Variants in AOX1 observed in about 807,000 individuals in gnomAD.
AOX1 encodes the protein aldehyde oxidase.
A neutral mutation model predicts 169.5 loss-of-function variants in AOX1; 153 were observed. That is an observed-to-expected ratio of 0.90 (90% CI 0.79 to 1.03). AOX1 has a LOEUF of 1.03. Ranked by LOEUF, AOX1 falls within the 50% of genes least tolerant of loss-of-function variation. AOX1 has a pLI of 0.00. For synonymous variants in AOX1, 562 were observed against 581.9 expected (o/e 0.97, Z 0.49); for missense variants, 1,656 against 1,663.9 (o/e 1.00, Z 0.08).
intron 18 of AOX1, 99 bp from the exon 19 acceptor site, chr2:200,623,762 C>G: frequency 1.3e-6 from 2 of 1,558,968 alleles, no homozygotes; most frequent in South Asian, 2.3e-5. Context: ...CTAGCCCTAG[C>G]CCTACTGTAA....
Position 200,634,824 on chromosome 2 carries a change from A to C in AOX1, c.2255A>C (p.Tyr752Ser). The C allele has an allele frequency of 6.2e-7, 1 of 1,614,058 alleles. No individual in the cohort carries two copies. The highest frequency in any genetic ancestry group is 8.5e-7 in the Non-Finnish European group (1 of 1,179,964). The change falls in exon 21 of 35, where the codon TAT (tyrosine) becomes TCT (serine). Residue 752 changes from tyrosine to serine, a missense_variant. Tyr to Ser is a moderately radical substitution (Grantham distance 144). Transcript: ENST00000374700. ...CATATGGGAGGTCAAGAACATTTTTATATGGAAACCCAAAGCATGCTTGTC... is the reference window on the plus strand; with the variant it reads ...CATATGGGAGGTCAAGAACATTTTTCTATGGAAACCCAAAGCATGCTTGTC... ...EIHMGGQEHF[Y>S]METQSMLVVP...
In AOX1 at chr2:200,648,218, C is replaced by T. The variant is rs544677884; in HGVS notation, c.2848-2756C>T. On this transcript the variant is annotated intron_variant, in intron 25 of 34. Coordinates refer to ENST00000374700, the MANE Select transcript of AOX1 (RefSeq NM_001159.4). ...TCTGGTTCCGTCTCATTTGGGTAGG[C>T]TCTGTCAGAAGGAAAGTTTGGGGCT... Among the ~76,000 whole-genome samples the T allele has an allele frequency of 8.7e-4, 132 of 152,240 alleles. 2 individuals are homozygous for T. Among genetic ancestry groups the T allele is most frequent in the African/African-American group, 3.1e-3 (129 of 41,548 alleles).
intron 10 of AOX1, among the ~76,000 whole-genome samples, chr2:200,607,956 G>T (rs968865778): frequency 6.6e-6 from 1 of 152,098 alleles, no homozygotes; most frequent in Admixed American, 6.6e-5. Context: ...AACACATACC[G>T]GGGCCTGTTG....
intron 23 of AOX1, among the ~76,000 whole-genome samples, chr2:200,638,917 CATT>C (rs2105744649): frequency 6.7e-6 from 1 of 150,152 alleles, no homozygotes; most frequent in East Asian, 2.0e-4. Context: ...TCAATATAAT[CATT>C]GAGGGGGGAA....
intron 23 of AOX1, among the ~76,000 whole-genome samples, chr2:200,639,609 AAGG>A (rs1363115061): frequency 6.6e-6 from 1 of 152,234 alleles, no homozygotes; most frequent in Non-Finnish European, 1.5e-5. Context: ...CTTCATCCTG[AAGG>A]AGATTTTTTT....
At chr2:200,657,191 T>TTTTC (rs1553578106) in intron 27 of AOX1, among the ~76,000 whole-genome samples, 5 of 45,478 alleles carry the variant, frequency 1.1e-4, no homozygotes, top group African/African-American at 3.4e-4. Flanking sequence ...TATATATATA[T>TTTTC]TTTTTTTTTT....
intron 5 of AOX1, among the ~76,000 whole-genome samples, chr2:200,601,652 C>T (rs2105695518): frequency 6.6e-6 from 1 of 151,798 alleles, no homozygotes; most frequent in East Asian, 1.9e-4. Flanking sequence ...ATTAGTTTGG[C>T]TGAACACAGT....
At chr2:200,657,165 AATATATAT>A (rs1553578034) in intron 27 of AOX1, among the ~76,000 whole-genome samples, 1 of 88,408 alleles carries the variant, frequency 1.1e-5, no homozygotes, top group African/African-American at 5.2e-5. Context: ...CTCTACCAAA[AATATATAT>A]ATATATATAT....
intron 22 of AOX1, among the ~76,000 whole-genome samples, chr2:200,637,401 CACAT>C (rs1307015588): frequency 6.6e-6 from 1 of 151,992 alleles, no homozygotes; most frequent in African/African-American, 2.4e-5. Flanking sequence ...TATACATACA[CACAT>C]ATATATTTAT....
chr2:200,672,002 G>C (rs1203044972), downstream of AOX1, among the ~76,000 whole-genome samples: 1 of 152,134 alleles, frequency 6.6e-6, no homozygotes, highest in Non-Finnish European at 1.5e-5. Context: ...GTGACAACAT[G>C]GATGAACCTT....
intron 1 of AOX1, among the ~76,000 whole-genome samples, chr2:200,589,520 G>A (rs13419468): frequency 0.015 from 2,257 of 152,270 alleles, 71 homozygotes; most frequent in African/African-American, 0.051. Context: ...ACTTAATGTC[G>A]CTGAGCTTCT....
At chr2:200,611,047 G>T (rs1472636449) in intron 12 of AOX1, among the ~76,000 whole-genome samples, 2 of 151,966 alleles carry the variant, frequency 1.3e-5, no homozygotes, top group Non-Finnish European at 2.9e-5. Flanking sequence ...GCAGAGAGAG[G>T]TTTCACCATG....
intron 18 of AOX1, among the ~76,000 whole-genome samples, chr2:200,622,916 G>A (rs2034916362): frequency 6.6e-6 from 1 of 152,222 alleles, no homozygotes; most frequent in East Asian, 1.9e-4. Flanking sequence ...CCATCACCCA[G>A]CTTCAACAGT....
At chr2:200,657,191 T>TATATATATA (rs1491522418) in intron 27 of AOX1, among the ~76,000 whole-genome samples, 2 of 45,508 alleles carry the variant, frequency 4.4e-5, no homozygotes, top group East Asian at 1.3e-3. Flanking sequence ...TATATATATA[T>TATATATATA]TTTTTTTTTT....
intron 26 of AOX1, among the ~76,000 whole-genome samples, 163 bp from the exon 27 acceptor site, chr2:200,656,679 C>T (rs190846742): frequency 6.6e-5 from 10 of 152,256 alleles, no homozygotes; most frequent in East Asian, 1.9e-4. Flanking sequence ...ATAGAGTCCC[C>T]GCCCTGGTTT....
At chr2:200,611,560 A>G (rs1003678018) in intron 13 of AOX1, 67 bp downstream of exon 13, 2 of 1,036,006 alleles carry the variant, frequency 1.9e-6, no homozygotes, top group South Asian at 1.3e-5. Context: ...ATTCCAGTAT[A>G]TGGTGGAATA....
chr2:200,651,056 G>A lies in AOX1; in HGVS notation c.2930G>A (p.Trp977Ter), dbSNP rs1423890728. The A allele has an allele frequency of 6.2e-7, 1 of 1,614,182 alleles. No homozygotes were observed. The highest frequency in any genetic ancestry group is 2.2e-5 in the East Asian group (1 of 44,888). ...EINAKNLIQC[W>*]RECMAMSSYS... ...AATGCCAAGAACCTAATCCAGTGTT[G>A]GAGAGAATGTATGGCCATGTCTTCC... Residue 977 changes from tryptophan (W) to a stop codon, truncating the protein, a stop_gained, in exon 26 of 35, where the codon TGG (tryptophan) becomes TAG (stop). Coordinates refer to ENST00000374700, the MANE Select transcript of AOX1 (RefSeq NM_001159.4). LOFTEE classifies it high-confidence loss of function.
chr2:200,609,607 G>A (rs527764952), intron 12 of AOX1, among the ~76,000 whole-genome samples, 193 bp downstream of exon 12: 1 of 152,188 alleles, frequency 6.6e-6, no homozygotes, highest in South Asian at 2.1e-4. Context: ...TGTCTTTCTG[G>A]TTTTTTGTTT....
chr2:200,617,425 A>T (rs1159248602), intron 16 of AOX1, among the ~76,000 whole-genome samples: 1 of 149,986 alleles, frequency 6.7e-6, no homozygotes, highest in Admixed American at 6.7e-5. Context: ...AATACTAAGC[A>T]GAAGCAGGTA....
Sources: gnomAD v4.1 joint callset for allele counts (sites outside exome capture counted in the v4.1 genomes callset) on GRCh38, gnomAD v4.1.1 for gene constraint, MANE v1.5 for transcripts, NCBI Gene and HGNC (gene_info 2026-07-23, HGNC 2026-07-21) for gene names.